Variants in GRB10 observed in about 807,000 individuals in gnomAD.
GRB10 encodes growth factor receptor-bound protein 10.
In GRB10, 20 loss-of-function variants were observed where a neutral mutation model predicts 80.9. The observed-to-expected ratio is 0.25, with a 90% CI of 0.17 to 0.36. The LOEUF is 0.36. Ranked by LOEUF, GRB10 falls within the 10% of genes least tolerant of loss-of-function variation. The pLI is 1.00. For synonymous variants in GRB10, 291 were observed against 291.5 expected, an observed-to-expected ratio of 1.00 and a Z score of 0.02; for missense variants, 548 against 747.7, an observed-to-expected ratio of 0.73 and a Z score of 3.12.
At chr7:50,663,172 G>A (rs1236588678) in intron 7 of GRB10, among the ~76,000 whole-genome samples, 1 of 152,206 alleles carries the variant, frequency 6.6e-6, no homozygotes, top group Non-Finnish European at 1.5e-5. Context: ...CACTCCTGCT[G>A]CAGAGTGAGA....
intron 6 of GRB10, among the ~76,000 whole-genome samples, chr7:50,671,782 T>C (rs1020174909): frequency 2.0e-5 from 3 of 152,276 alleles, no homozygotes; most frequent in Admixed American, 2.0e-4. Context: ...TCTCTATTTA[T>C]TGGGTTGTTT....
chr7:50,657,972 G>C (rs990350718), intron 7 of GRB10, among the ~76,000 whole-genome samples: 29 of 152,108 alleles, frequency 1.9e-4, no homozygotes, highest in African/African-American at 7.0e-4. Flanking sequence ...CCTAAGGAAA[G>C]AAAAACAGAA....
At chr7:50,606,515 G>A (rs2048558066) in intron 13 of GRB10, 101 bp from the exon 14 acceptor site, 2 of 831,884 alleles carry the variant, frequency 2.4e-6, no homozygotes, top group African/African-American at 3.3e-5. Flanking sequence ...GTGCGGAACA[G>A]GGAGTGATGC....
intron 7 of GRB10, among the ~76,000 whole-genome samples, chr7:50,649,751 G>A (rs1423927229): frequency 2.0e-5 from 3 of 152,180 alleles, no homozygotes; most frequent in Admixed American, 6.5e-5. Context: ...ACACATTGGA[G>A]AGGGAGAGTT....
intron 3 of GRB10, among the ~76,000 whole-genome samples, chr7:50,755,459 C>T (rs192678394): frequency 5.3e-4 from 80 of 152,258 alleles, no homozygotes; most frequent in African/African-American, 1.8e-3. Flanking sequence ...CAGGTCAAGA[C>T]CCTCCCACAC....
At chr7:50,679,378 C>T (rs976617074) in intron 5 of GRB10, among the ~76,000 whole-genome samples, 2 of 152,118 alleles carry the variant, frequency 1.3e-5, no homozygotes, top group African/African-American at 4.8e-5. Context: ...AGAGAAACTC[C>T]GGGGACAGAG....
rs1370954761 is a variant in GRB10 at position 50,605,620 on chromosome 7, TCCTC to T, written c.1273-218_1273-215del. ...TTCTTAAGAACGAAACACATTCTAG[TCCTC>T]CCTGAGTATTAAAAAGGCTGCTGGT... On this transcript the variant is annotated intron_variant, in intron 14 of 18. Transcript: ENST00000401949. Among the ~76,000 whole-genome samples the T allele has an allele frequency of 1.3e-4, 20 of 152,158 alleles. No individual in the cohort carries two copies. The East Asian group carries it at 3.9e-3, about 30-fold the overall frequency.
chr7:50,733,588 G>T (rs538766000), intron 3 of GRB10, among the ~76,000 whole-genome samples: 1 of 152,334 alleles, frequency 6.6e-6, no homozygotes, highest in Admixed American at 6.5e-5. Context: ...CTGGCACAAT[G>T]AAGGGAGCAG....
intron 5 of GRB10, among the ~76,000 whole-genome samples, chr7:50,686,228 GC>G (rs1296614588): frequency 6.6e-6 from 1 of 152,100 alleles, no homozygotes; most frequent in African/African-American, 2.4e-5. Flanking sequence ...CCCTTATAAA[GC>G]CCTGGAGAGA....
At position 50,672,218 on chromosome 7, in the gene GRB10, G is replaced by A. The variant is rs531507805; in HGVS notation, c.362+2218C>T. 5.3e-5 allele frequency among the ~76,000 whole-genome samples: 8 copies of A among 152,240 alleles called. No homozygotes were observed. The East Asian group carries it at 5.8e-4, about 11-fold the overall frequency. ...AGCCCCCGGTAAGTTCCTCTGCAGC[G>A]TGGACCATGCTCCGTGACCTCTGGT... On this transcript the variant is annotated intron_variant, in intron 6 of 18. Coordinates refer to ENST00000401949, the MANE Select transcript of GRB10 (RefSeq NM_001350814.2).
intron 7 of GRB10, among the ~76,000 whole-genome samples, chr7:50,631,131 A>G (rs1409514604): frequency 6.6e-6 from 1 of 152,010 alleles, no homozygotes; most frequent in Non-Finnish European, 1.5e-5. Context: ...CTTAGCACAG[A>G]CCCTCACTCT....
intron 2 of GRB10, among the ~76,000 whole-genome samples, chr7:50,760,763 A>C (rs2075678207): frequency 6.6e-6 from 1 of 152,236 alleles, no homozygotes; most frequent in African/African-American, 2.4e-5. Flanking sequence ...CACTGAAACA[A>C]GAGTGGGCAC....
At chr7:50,599,052 A>C (rs903687293) in intron 17 of GRB10, among the ~76,000 whole-genome samples, 3 of 152,130 alleles carry the variant, frequency 2.0e-5, no homozygotes, top group African/African-American at 7.2e-5. Context: ...TCCCCTTAAA[A>C]AGATCCTTCT....
intron 17 of GRB10, 68 bp from the exon 18 acceptor site, chr7:50,595,598 C>A: frequency 1.4e-6 from 1 of 722,642 alleles, no homozygotes. Context: ...CACACACACT[C>A]TCTTACACAC....
intron 5 of GRB10, among the ~76,000 whole-genome samples, chr7:50,702,771 T>C (rs972134664): frequency 1.3e-5 from 2 of 152,222 alleles, no homozygotes; most frequent in African/African-American, 4.8e-5. Flanking sequence ...TTGGTATCTG[T>C]AGAATATTTG....
intron 1 of GRB10, chr7:50,792,684 C>T (rs1008590535): frequency 2.9e-5 from 11 of 381,854 alleles, no homozygotes; most frequent in Admixed American, 4.5e-5. Flanking sequence ...TGGGCCGGCT[C>T]GGGATTTGGG....
intron 4 of GRB10, among the ~76,000 whole-genome samples, chr7:50,724,097 C>T (rs978475966): frequency 1.3e-5 from 2 of 152,210 alleles, no homozygotes; most frequent in Non-Finnish European, 2.9e-5. Context: ...GTTCCAGCAG[C>T]GCCTGAGGAA....
At chr7:50,725,849 C>T (rs1289084160) in intron 4 of GRB10, among the ~76,000 whole-genome samples, 4 of 152,130 alleles carry the variant, frequency 2.6e-5, no homozygotes, top group African/African-American at 4.8e-5. Context: ...AAAAGATAAT[C>T]AACTCTAGCA....
intron 3 of GRB10, among the ~76,000 whole-genome samples, chr7:50,737,783 G>A: frequency 6.6e-6 from 1 of 152,204 alleles, no homozygotes; most frequent in East Asian, 1.9e-4. Flanking sequence ...CAGAGGCAGA[G>A]GTTGCAGTGA....
Sources: gnomAD v4.1 joint callset for allele counts (sites outside exome capture counted in the v4.1 genomes callset) on GRCh38, gnomAD v4.1.1 for gene constraint, MANE v1.5 for transcripts, NCBI Gene and HGNC (gene_info 2026-07-23, HGNC 2026-07-21) for gene names.